SPTLC1: variants seen among roughly 807,000 people sequenced by gnomAD.
SPTLC1 encodes the protein serine palmitoyltransferase 1.
A neutral mutation model predicts 68.9 loss-of-function variants in SPTLC1; 55 were observed. That is an observed-to-expected ratio of 0.80 (90% CI 0.64 to 1.00). SPTLC1 has a LOEUF of 1.00. Among genes scored for constraint, SPTLC1 ranks in the 50% least tolerant of loss-of-function variants. SPTLC1 has a pLI of 0.00. For missense variants in SPTLC1, 449 were observed against 573.1 expected (o/e 0.78, Z 2.21); for synonymous variants, 197 against 201.6 (o/e 0.98, Z 0.19).
At chr9:92,063,420 G>A (rs923256087) in intron 6 of SPTLC1, among the ~76,000 whole-genome samples, 6 of 151,990 alleles carry the variant, frequency 3.9e-5, no homozygotes, top group African/African-American at 1.2e-4. Context: ...TGGTTTCATG[G>A]GAGAATTCTA....
chr9:92,038,128 C>G (rs1833207998), intron 13 of SPTLC1, 120 bp downstream of exon 13: 1 of 794,722 alleles, frequency 1.3e-6, no homozygotes, highest in Non-Finnish European at 2.3e-6. Context: ...CAGCATCTTC[C>G]TTTCTACCCT....
intron 12 of SPTLC1, among the ~76,000 whole-genome samples, chr9:92,043,565 C>A (rs1351157862): frequency 6.6e-6 from 1 of 152,104 alleles, no homozygotes; most frequent in Non-Finnish European, 1.5e-5. Context: ...CTGACCAAAC[C>A]CCCTGAGCTC....
At chr9:92,113,102 C>T (rs919603344) in intron 1 of SPTLC1, among the ~76,000 whole-genome samples, 6 of 148,736 alleles carry the variant, frequency 4.0e-5, no homozygotes, top group Admixed American at 2.7e-4. Context: ...AGCAAAACTC[C>T]GTCTCAAATA....
chr9:92,104,847 T>C, intron 3 of SPTLC1: 1 of 1,529,658 alleles, frequency 6.5e-7, no homozygotes, highest in Non-Finnish European at 8.8e-7. Flanking sequence ...CTCAAGAGCT[T>C]GACAGAAAAC....
At chr9:92,060,674 A>C (rs982938850) in intron 6 of SPTLC1, among the ~76,000 whole-genome samples, 7 of 151,962 alleles carry the variant, frequency 4.6e-5, no homozygotes, top group African/African-American at 1.7e-4. Flanking sequence ...TGGGAGGCCA[A>C]GGCGGGTGGA....
chr9:92,088,239 G>A (rs1182540656), intron 3 of SPTLC1, among the ~76,000 whole-genome samples: 1 of 152,216 alleles, frequency 6.6e-6, no homozygotes, highest in Non-Finnish European at 1.5e-5. Context: ...CTCGCACATG[G>A]TGCGCTGCAC....
chr9:92,109,119 A>C (rs1836125087), intron 2 of SPTLC1: 1 of 294,598 alleles, frequency 3.4e-6, no homozygotes, highest in Admixed American at 4.3e-5. Context: ...ATAGGATTTC[A>C]CTTTAATTCT....
chr9:92,103,892 CA>C (rs1835854489), intron 3 of SPTLC1, among the ~76,000 whole-genome samples: 2 of 152,242 alleles, frequency 1.3e-5, no homozygotes, highest in Non-Finnish European at 1.5e-5. Flanking sequence ...ATCAGCCCCG[CA>C]CCCCCAACAG....
intron 3 of SPTLC1, among the ~76,000 whole-genome samples, chr9:92,097,694 C>T (rs540516557): frequency 6.6e-6 from 1 of 152,196 alleles, no homozygotes; most frequent in South Asian, 2.1e-4. Flanking sequence ...CTGCTAATGG[C>T]TTTGGGATTT....
At chr9:92,040,381 C>CAA (rs1283951016) in intron 12 of SPTLC1, among the ~76,000 whole-genome samples, 1 of 151,162 alleles carries the variant, frequency 6.6e-6, no homozygotes. Flanking sequence ...AAAACAAAAA[C>CAA]AAAAACAAAA....
At chr9:92,062,494 CAA>C (rs1834141731) in intron 6 of SPTLC1, among the ~76,000 whole-genome samples, 1 of 152,018 alleles carries the variant, frequency 6.6e-6, no homozygotes, top group Non-Finnish European at 1.5e-5. Context: ...CACCATCAAC[CAA>C]AAAGACTTGA....
intron 5 of SPTLC1, among the ~76,000 whole-genome samples, chr9:92,077,331 G>A (rs1834716810): frequency 6.6e-6 from 1 of 152,058 alleles, no homozygotes; most frequent in Non-Finnish European, 1.5e-5. Flanking sequence ...CAGATACCCA[G>A]CCATATAAAG....
At chr9:92,067,504 C>T (rs1001752081) in intron 6 of SPTLC1, among the ~76,000 whole-genome samples, 6 of 152,196 alleles carry the variant, frequency 3.9e-5, no homozygotes, top group African/African-American at 4.8e-5. Context: ...AGCACAGGCA[C>T]GCGAGTGTGA....
chr9:92,083,323 T>C (rs1587957986), intron 3 of SPTLC1, among the ~76,000 whole-genome samples: 1 of 152,354 alleles, frequency 6.6e-6, no homozygotes, highest in South Asian at 2.1e-4. Flanking sequence ...CCCATGCCTA[T>C]GTCCTGAATA....
intron 1 of SPTLC1, among the ~76,000 whole-genome samples, chr9:92,113,891 T>C (rs1587627960): frequency 6.6e-6 from 1 of 152,218 alleles, no homozygotes; most frequent in Admixed American, 6.5e-5. Context: ...TTCTGCCTAT[T>C]TGTTCACCGC....
chr9:92,054,180 C>T (rs1833803546), intron 8 of SPTLC1, among the ~76,000 whole-genome samples: 1 of 152,188 alleles, frequency 6.6e-6, no homozygotes, highest in African/African-American at 2.4e-5. Flanking sequence ...ACCTGGGAGG[C>T]TGAGGCAGGA....
In SPTLC1 at chr9:92,032,522, T is replaced by C. The variant is rs1251157846; in HGVS notation, c.1365A>G (p.Glu455=). Residue 455 remains glutamate (E), a synonymous_variant, in exon 15 of 15, where the codon GAA becomes GAG. Transcript: ENST00000262554. Reference sequence around the variant, plus strand: ...TGGTGGACGCAGCTCTCTCCAGTTCTTCCTCTGTTTGTTCCACCGTGACCA... The same window carrying C: ...TGGTGGACGCAGCTCTCTCCAGTTCCTCCTCTGTTTGTTCCACCGTGACCA... ...RVVVTVEQTE[E]ELERAASTIK... 1.9e-6 allele frequency: 3 copies of C among 1,614,202 alleles called. No individual in the cohort carries two copies. The Admixed American group carries it at 5.0e-5, about 27-fold the overall frequency.
intron 5 of SPTLC1, among the ~76,000 whole-genome samples, chr9:92,071,453 T>C (rs142423972): frequency 3.3e-4 from 50 of 152,294 alleles, no homozygotes; most frequent in African/African-American, 1.1e-3. Flanking sequence ...ACAATTTTTC[T>C]TCTTAAGAGT....
intron 5 of SPTLC1, among the ~76,000 whole-genome samples, chr9:92,077,412 A>C (rs956882558): frequency 3.3e-5 from 5 of 152,014 alleles, no homozygotes; most frequent in Non-Finnish European, 5.9e-5. Flanking sequence ...GGTGGACAGG[A>C]CCTTACCTGG....
Sources: gnomAD v4.1 joint callset for allele counts (sites outside exome capture counted in the v4.1 genomes callset) on GRCh38, gnomAD v4.1.1 for gene constraint, MANE v1.5 for transcripts, NCBI Gene and HGNC (gene_info 2026-07-23, HGNC 2026-07-21) for gene names.